Variants in KCNQ1 observed in about 807,000 individuals in gnomAD.
KCNQ1 encodes the protein potassium voltage-gated channel subfamily Q member 1, also known as potassium voltage-gated channel subfamily KQT member 1.
In KCNQ1, 49 loss-of-function variants were observed where a neutral mutation model predicts 72.4. That is an observed-to-expected ratio of 0.68 (90% CI 0.54 to 0.86). KCNQ1 has a LOEUF of 0.86. KCNQ1 is among the 40% of genes least tolerant of loss of function. The pLI is 0.00. For synonymous variants in KCNQ1, 450 were observed against 412.6 expected (o/e 1.09, Z -1.10); for missense variants, 790 against 945.1 (o/e 0.84, Z 2.15).
rs903497912 is a variant in KCNQ1 at position 2,492,888 on chromosome 11, C to T, written c.387-35040C>T. ...ATACCCAGTAATGGGATTGCTGGGT[C>T]AAATGGTATTTCTAGTTCTAGAATC... is the stretch of plus-strand genomic sequence containing the variant. On this transcript the variant is annotated intron_variant, in intron 1 of 15. Coordinates refer to ENST00000155840, the MANE Select transcript of KCNQ1 (RefSeq NM_000218.3). The surrounding 1 kb of genome is among the most constrained non-coding windows in gnomAD (Gnocchi z 4.1). Among the ~76,000 whole-genome samples, 1 of 152,166 alleles carries T rather than the reference C, an allele frequency of 6.6e-6. No individual in the cohort carries two copies. The highest frequency in any genetic ancestry group is 1.5e-5 in the Non-Finnish European group (1 of 68,040).
Position 2,593,397 on chromosome 11 carries a change from G to C in KCNQ1, c.1393+4543G>C, listed in dbSNP as rs114885053. Among the ~76,000 whole-genome samples, 1 of 152,090 alleles carries C rather than the reference G, an allele frequency of 6.6e-6. No homozygotes were observed. The highest frequency in any genetic ancestry group is 2.4e-5 in the African/African-American group (1 of 41,550). On this transcript the variant is annotated intron_variant, in intron 10 of 15. Transcript: ENST00000155840. This position sits in a 1 kb window ranked among gnomAD's most constrained non-coding sequence, Gnocchi z 6.9. ...CACCTCAGAGGCCTTTTGCTGCTCA[G>C]AGAACACTGGGCTGTAAGGTCGTGG...
rs1384559309 is a variant in KCNQ1, at chr11:2,848,887, A to G, written c.*884A>G. On this transcript the variant is annotated 3_prime_UTR_variant, in exon 16 of 16. Coordinates refer to ENST00000155840, the MANE Select transcript of KCNQ1 (RefSeq NM_000218.3). The stretch of plus-strand genomic sequence containing the variant: ...TCCTTCTGGGCATTACATCGCATAG[A>G]AATCAATAATTTGTGGTGATTTGGA... 4.4e-6 allele frequency: 2 copies of G among 454,162 alleles called. No homozygotes were observed. The highest frequency in any genetic ancestry group is 3.1e-5 in the South Asian group (2 of 64,482). The allele number at this position is 454,162 out of a possible 1,614,324, so 28.1% of individuals were successfully genotyped here. A position where few individuals can be genotyped will look rare whatever the true frequency, so the allele number is the denominator to read the frequency against.
chr11:2,689,257 G>A (rs1850548426), intron 11 of KCNQ1: 2 of 398,606 alleles, frequency 5.0e-6, no homozygotes, highest in Admixed American at 4.4e-5. Context: ...CTTGGAGGAC[G>A]TTCCTATCAG....
intron 10 of KCNQ1, chr11:2,635,543 C>T (rs1456107663): frequency 3.3e-5 from 5 of 152,102 alleles, no homozygotes; most frequent in Admixed American, 3.3e-4. Flanking sequence ...TGGTCTATAT[C>T]TCTGTTTTGG....
At position 2,571,421 on chromosome 11, in the gene KCNQ1, G is replaced by A. The variant is rs1182057106; in HGVS notation, c.683+18G>A. ...GCCATCAGGTGCGTCTGTGCCACAAGCTCCCCCCGCCATGCCGCCCCACCC... is the reference window on the plus strand; with the variant it reads ...GCCATCAGGTGCGTCTGTGCCACAAACTCCCCCCGCCATGCCGCCCCACCC... On this transcript the variant is annotated intron_variant, in intron 4 of 15. Transcript: ENST00000155840. 1 of 1,600,748 alleles carries A rather than the reference G, an allele frequency of 6.2e-7. No homozygotes were observed. Among genetic ancestry groups the A allele is most frequent in the Non-Finnish European group, 8.5e-7 (1 of 1,175,412 alleles).
At position 2,659,735 on chromosome 11, in the gene KCNQ1, T is replaced by C. The variant is rs1849916868; in HGVS notation, c.1394-2226T>C. On this transcript the variant is annotated intron_variant, in intron 10 of 15. Coordinates refer to ENST00000155840, the MANE Select transcript of KCNQ1 (RefSeq NM_000218.3). The surrounding 1 kb of genome is among the most constrained non-coding windows in gnomAD (Gnocchi z 4.3). The stretch of plus-strand genomic sequence containing the variant: ...ACCAGTAACATATGAGAGTTCTACA[T>C]GTTCCACATCCTCAAGAGTGGTTGG... The C allele has an allele frequency of 2.5e-6, 1 of 398,428 alleles. No individual in the cohort carries two copies. The highest frequency in any genetic ancestry group is 4.4e-5 in the Admixed American group (1 of 22,722). The allele number at this position is 398,428 out of a possible 1,614,324, so 24.7% of individuals were successfully genotyped here. A position where few individuals can be genotyped will look rare whatever the true frequency, so the allele number is the denominator to read the frequency against.
At chr11:2,581,268 CTGGGCTGAGCCCCTT>C (rs1273425142) in intron 6 of KCNQ1, among the ~76,000 whole-genome samples, 1 of 152,258 alleles carries the variant, frequency 6.6e-6, no homozygotes, top group Admixed American at 6.5e-5. Context: ...TGCTGGGACC[CTGGGCTGAGCCCCTT>C]TGGGCTGAGA....
intron 2 of KCNQ1, among the ~76,000 whole-genome samples, chr11:2,539,084 G>A (rs1280116739): frequency 6.6e-6 from 1 of 152,112 alleles, no homozygotes; most frequent in Non-Finnish European, 1.5e-5. Flanking sequence ...CCAGGGGTGG[G>A]GCAGCCGAGG....
chr11:2,585,477 AC>A (rs1388034074), intron 8 of KCNQ1, among the ~76,000 whole-genome samples, 170 bp downstream of exon 8: 1 of 152,206 alleles, frequency 6.6e-6, no homozygotes, highest in Non-Finnish European at 1.5e-5. Context: ...TGGGGTGAGC[AC>A]GGGGCATTGG....
chr11:2,531,884 T>A (rs1300741468), intron 2 of KCNQ1, among the ~76,000 whole-genome samples: 1 of 152,108 alleles, frequency 6.6e-6, no homozygotes, highest in African/African-American at 2.4e-5. Context: ...ACCTGATCAT[T>A]CCAGAAGCTC....
rs990283460 is a variant in KCNQ1, at chr11:2,564,146, C to T, written c.478-6482C>T. 6.6e-6 allele frequency among the ~76,000 whole-genome samples: 1 copy of T among 152,242 alleles called. No homozygotes were observed. The highest frequency in any genetic ancestry group is 2.4e-5 in the African/African-American group (1 of 41,476). ...GCCATTTCAGCCATTTCAGCCATTT[C>T]ACAGCGTGCAATTTGGTGGCATTTA... On this transcript the variant is annotated intron_variant, in intron 2 of 15. Coordinates refer to ENST00000155840, the MANE Select transcript of KCNQ1 (RefSeq NM_000218.3). This position sits in a 1 kb window ranked among gnomAD's most constrained non-coding sequence, Gnocchi z 4.5.
At chr11:2,675,851 G>A in intron 11 of KCNQ1, 2 of 398,730 alleles carry the variant, frequency 5.0e-6, no homozygotes, top group South Asian at 1.3e-4. Context: ...CCACTGCCTG[G>A]CCAACACCTG....
intron 1 of KCNQ1, among the ~76,000 whole-genome samples, chr11:2,517,688 G>A (rs1394495127): frequency 6.6e-6 from 1 of 152,206 alleles, no homozygotes; most frequent in Non-Finnish European, 1.5e-5. Flanking sequence ...CTTCTTCAGG[G>A]AAGAGGGACC....
At chr11:2,554,579 G>A (rs1046019695) in intron 2 of KCNQ1, among the ~76,000 whole-genome samples, 1 of 152,182 alleles carries the variant, frequency 6.6e-6, no homozygotes, top group African/African-American at 2.4e-5. Flanking sequence ...CATCCCACTG[G>A]GCACTGCCTC....
chr11:2,456,601 A>C (rs1301840666), intron 1 of KCNQ1, among the ~76,000 whole-genome samples: 1 of 151,942 alleles, frequency 6.6e-6, no homozygotes, highest in African/African-American at 2.4e-5. Context: ...TAACAAATCA[A>C]CAAGCAAAAA....
At chr11:2,688,727 C>G (rs186986922) in intron 11 of KCNQ1, 40 of 398,924 alleles carry the variant, frequency 1.0e-4, no homozygotes, top group African/African-American at 8.2e-4. Context: ...TTGGGTGGCC[C>G]GGCTCTGAGC....
rs1385248416 is a variant in KCNQ1 at position 2,830,678 on chromosome 11, C to T, written c.1795-17089C>T. On this transcript the variant is annotated intron_variant, in intron 15 of 15. Transcript: ENST00000155840. The surrounding 1 kb of genome is among the most constrained non-coding windows in gnomAD (Gnocchi z 7.7). Reference sequence around the variant, plus strand: ...GAGACCTTCCCACCCTTCCACTCACCTTCCGAGCATTGTGGGCCTTCCCAG... The same window carrying T: ...GAGACCTTCCCACCCTTCCACTCACTTTCCGAGCATTGTGGGCCTTCCCAG... Among the ~76,000 whole-genome samples the T allele has an allele frequency of 6.6e-6, 1 of 152,150 alleles. No individual in the cohort carries two copies. Among genetic ancestry groups the T allele is most frequent in the Non-Finnish European group, 1.5e-5 (1 of 68,006 alleles).
Position 2,671,982 on chromosome 11 carries a change from C to T in KCNQ1, c.1514+9901C>T, listed in dbSNP as rs1011831600. On this transcript the variant is annotated intron_variant, in intron 11 of 15. Transcript: ENST00000155840. This position sits in a 1 kb window ranked among gnomAD's most constrained non-coding sequence, Gnocchi z 4.7. ...AGTGGGCTAAAAAGTCAGCTAGCACCCCTGACTTCAAGTCCTCGAGTGTAT... is the reference window on the plus strand; with the variant it reads ...AGTGGGCTAAAAAGTCAGCTAGCACTCCTGACTTCAAGTCCTCGAGTGTAT... 2 of 398,414 alleles carry T rather than the reference C, an allele frequency of 5.0e-6. No individual in the cohort carries two copies. 24.7% of individuals were successfully genotyped at this position (398,414 alleles called of 1,614,324 possible).
intron 6 of KCNQ1, among the ~76,000 whole-genome samples, chr11:2,574,562 C>A: frequency 6.6e-6 from 1 of 152,190 alleles, no homozygotes; most frequent in Non-Finnish European, 1.5e-5. Flanking sequence ...ACCGGACTTG[C>A]TGGCTCTCGG....
Sources: gnomAD v4.1 joint callset for allele counts (sites outside exome capture counted in the v4.1 genomes callset) on GRCh38, gnomAD v4.1.1 for gene constraint, Gnocchi (gnomAD v3.1) non-coding constraint, MANE v1.5 for transcripts, NCBI Gene and HGNC (gene_info 2026-07-23, HGNC 2026-07-21) for gene names.